Variants in PTPN5 observed in about 807,000 individuals in gnomAD.
The protein encoded by PTPN5 is protein tyrosine phosphatase non-receptor type 5, also known as tyrosine-protein phosphatase non-receptor type 5.
In PTPN5, 29 loss-of-function variants were observed where a neutral mutation model predicts 73.9. That is an observed-to-expected ratio of 0.39 (90% CI 0.29 to 0.54). PTPN5 has a LOEUF of 0.54. Ranked by LOEUF, PTPN5 falls within the 20% of genes least tolerant of loss-of-function variation. The pLI is 0.65. For synonymous variants in PTPN5, 267 were observed against 304.7 expected (o/e 0.88, Z 1.29); for missense variants, 652 against 751.4 (o/e 0.87, Z 1.55).
intron 2 of PTPN5, among the ~76,000 whole-genome samples, chr11:18,766,546 T>C (rs1406737825): frequency 6.6e-6 from 1 of 152,218 alleles, no homozygotes; most frequent in Non-Finnish European, 1.5e-5. Context: ...AGTCTAAATG[T>C]TTCCTTCCTG....
At chr11:18,787,479 T>C (rs1389340822) in intron 1 of PTPN5, among the ~76,000 whole-genome samples, 2 of 152,208 alleles carry the variant, frequency 1.3e-5, no homozygotes, top group African/African-American at 2.4e-5. Context: ...TATAGGCCCT[T>C]ACATGATTGG....
intron 2 of PTPN5, among the ~76,000 whole-genome samples, chr11:18,768,751 C>A (rs1413258669): frequency 2.0e-5 from 3 of 152,252 alleles, no homozygotes; most frequent in African/African-American, 7.2e-5. Context: ...GGACTCCAGG[C>A]AACCCCAGCC....
intron 3 of PTPN5, among the ~76,000 whole-genome samples, chr11:18,746,192 T>TATATATATATAA: frequency 1.9e-5 from 2 of 102,826 alleles, no homozygotes; most frequent in African/African-American, 3.1e-5. Context: ...TATATATATA[T>TATATATATATAA]ACATTTTTTT....
intron 1 of PTPN5, among the ~76,000 whole-genome samples, chr11:18,781,843 A>G (rs529756627): frequency 6.6e-6 from 1 of 152,132 alleles, no homozygotes; most frequent in African/African-American, 2.4e-5. Flanking sequence ...AGGCTGTCTT[A>G]TGGGAGCACT....
chr11:18,779,854 A>C (rs577437349), intron 1 of PTPN5, among the ~76,000 whole-genome samples: 16 of 152,330 alleles, frequency 1.1e-4, no homozygotes, highest in African/African-American at 3.8e-4. Context: ...CACTTTCTCC[A>C]CAAGGGGCCT....
At chr11:18,754,244 A>T (rs1850026168) in intron 3 of PTPN5, among the ~76,000 whole-genome samples, 1 of 152,156 alleles carries the variant, frequency 6.6e-6, no homozygotes, top group African/African-American at 2.4e-5. Context: ...CAACGAACGG[A>T]AATTGAGGGC....
intron 1 of PTPN5, among the ~76,000 whole-genome samples, chr11:18,785,548 T>C (rs567385630): frequency 5.9e-5 from 9 of 152,382 alleles, no homozygotes; most frequent in African/African-American, 1.2e-4. Context: ...TTCACAACTG[T>C]AATTTATAAT....
Position 18,743,346 on chromosome 11 carries a change from C to A in PTPN5, c.375G>T (p.Thr125=), listed in dbSNP as rs751879823. Residue 125 remains threonine (T), a synonymous_variant, in exon 5 of 15, where the codon ACG becomes ACT. Coordinates refer to ENST00000358540, the MANE Select transcript of PTPN5 (RefSeq NM_006906.2). ...CCGTGGGTTCCAGCTGTTTCAGGAG[C>A]GTCAGCAAAGAGGAGACGAGGTTTG... is the stretch of plus-strand genomic sequence containing the variant. ...NATNLVSSLL[T]LLKQLEPTAW... 5 of 1,614,012 alleles carry A rather than the reference C, an allele frequency of 3.1e-6. No homozygotes were observed. The African/African-American group carries it at 5.3e-5, about 17-fold the overall frequency.
rs1849003563 is a variant in PTPN5 at position 18,733,861 on chromosome 11, G to C, written c.1001-226C>G. Among the ~76,000 whole-genome samples, 1 of 152,212 alleles carries C rather than the reference G, an allele frequency of 6.6e-6. No homozygotes were observed. The highest frequency in any genetic ancestry group is 2.1e-4 in the South Asian group (1 of 4,830). On this transcript the variant is annotated intron_variant, in intron 9 of 14. Transcript: ENST00000358540. The surrounding 1 kb of genome is among the most constrained non-coding windows in gnomAD (Gnocchi z 4.3). ...GGGGGGTCCCCGGGTCTCTACCTCT[G>C]TCTCTATCCTTAGCCTGTGCCTCTT...
chr11:18,750,751 T>A (rs1430750098), intron 3 of PTPN5, among the ~76,000 whole-genome samples: 2 of 152,128 alleles, frequency 1.3e-5, no homozygotes, highest in Admixed American at 1.3e-4. Context: ...TAGTCACAAC[T>A]GTGCTGCAGG....
Position 18,767,021 on chromosome 11 carries a change from A to G in PTPN5, c.21-1138T>C, listed in dbSNP as rs147288228. Among the ~76,000 whole-genome samples, 6 of 152,330 alleles carry G rather than the reference A, an allele frequency of 3.9e-5. No homozygotes were observed. The East Asian group carries it at 9.7e-4, about 25-fold the overall frequency. ...CTTGGACAATATGCCCTTCAAGACC[A>G]TAAGATGGCCGTGGATCCTTCCAAT... On this transcript the variant is annotated intron_variant, in intron 2 of 14. Transcript: ENST00000358540.
chr11:18,740,763 T>C lies in PTPN5; in HGVS notation c.755A>G (p.Asp252Gly). The C allele has an allele frequency of 6.3e-7, 1 of 1,585,322 alleles. No individual in the cohort carries two copies. The highest frequency in any genetic ancestry group is 1.1e-5 in the South Asian group (1 of 87,020). ...RRGSNVSLTL[D>G]MCTPGCNEEG... Reference sequence around the variant, plus strand: ...CTCGTTGCAGCCCGGAGTGCACATGTCCAGGGTCAGGGAGACATTGGAACC... The same window carrying C: ...CTCGTTGCAGCCCGGAGTGCACATGCCCAGGGTCAGGGAGACATTGGAACC... Residue 252 changes from aspartate to glycine, a missense_variant, in exon 8 of 15, where the codon GAC becomes GGC. By Grantham distance (94) the Asp-to-Gly change is moderately conservative. This residue lies in a region of PTPN5 where 529 missense variants were observed against 573.9 expected (regional missense o/e 0.92). Transcript: ENST00000358540.
At chr11:18,785,924 A>G (rs1203695674) in intron 1 of PTPN5, among the ~76,000 whole-genome samples, 3 of 152,348 alleles carry the variant, frequency 2.0e-5, no homozygotes, top group Admixed American at 1.3e-4. Context: ...ACAAATCTGC[A>G]AACAGTGGAT....
intron 2 of PTPN5, among the ~76,000 whole-genome samples, chr11:18,769,589 T>C: frequency 6.6e-6 from 1 of 152,184 alleles, no homozygotes; most frequent in South Asian, 2.1e-4. Flanking sequence ...TTTTAGTAGA[T>C]ACGAGGTTTC....
intron 2 of PTPN5, among the ~76,000 whole-genome samples, chr11:18,768,359 T>C (rs758708406): frequency 6.6e-6 from 1 of 152,112 alleles, no homozygotes; most frequent in Non-Finnish European, 1.5e-5. Context: ...TTATACTGAG[T>C]TGGTGGTGGC....
At chr11:18,781,523 T>C (rs376185625) in intron 1 of PTPN5, among the ~76,000 whole-genome samples, 19 of 152,146 alleles carry the variant, frequency 1.2e-4, no homozygotes, top group South Asian at 2.1e-4. Context: ...TTTCACCATA[T>C]TGGCTAGGGT....
At position 18,744,119 on chromosome 11, in the gene PTPN5, G is replaced by C. The variant is rs371701107; in HGVS notation, c.178C>G (p.Pro60Ala). 17 of 1,610,562 alleles carry C rather than the reference G, an allele frequency of 1.1e-5. No homozygotes were observed. In the Admixed American group the frequency reaches 2.5e-4, roughly 24 times the overall value. Residue 60 changes from proline (P) to alanine (A), a missense_variant, in exon 4 of 15, where the codon CCT (proline) becomes GCT (alanine). By Grantham distance (27) the Pro-to-Ala change is conservative (BLOSUM62 -1). This residue lies in a region of PTPN5 where 529 missense variants were observed against 573.9 expected (regional missense o/e 0.92). Transcript: ENST00000358540. The part of the protein sequence containing the change: ...QDSQREMPPP[P>A]PPSPPSDPAQ... ...GGATCTGAGGGCGGCGAGGGAGGAG[G>C]GGGTGGCGGCATCTCTCTCTGTGAG...
At chr11:18,735,339 G>T (rs1849067002) in intron 9 of PTPN5, among the ~76,000 whole-genome samples, 1 of 151,858 alleles carries the variant, frequency 6.6e-6, no homozygotes, top group African/African-American at 2.4e-5. Flanking sequence ...TAAACGGGAG[G>T]GGGGCTTTTG....
chr11:18,740,081 G>C (rs553717574), intron 8 of PTPN5, among the ~76,000 whole-genome samples: 1 of 152,302 alleles, frequency 6.6e-6, no homozygotes, highest in Admixed American at 6.5e-5. Flanking sequence ...GGTAAACAGG[G>C]GTGCCATTTA....
Sources: gnomAD v4.1 joint callset for allele counts (sites outside exome capture counted in the v4.1 genomes callset) on GRCh38, gnomAD v4.1.1 for gene constraint, gnomAD v4.1.1 regional missense constraint, Gnocchi (gnomAD v3.1) non-coding constraint, MANE v1.5 for transcripts, NCBI Gene and HGNC (gene_info 2026-07-23, HGNC 2026-07-21) for gene names.